The following CTR9 variants were observed in gnomAD, a reference collection of about 807,000 sequenced individuals.
CTR9 encodes CTR9 component of Paf1/RNA polymerase II complex, also known as RNA polymerase-associated protein CTR9 homolog.
A neutral mutation model predicts 152.1 loss-of-function variants in CTR9; 41 were observed. That is an observed-to-expected ratio of 0.27 (90% confidence interval 0.21 to 0.35). CTR9 has a LOEUF of 0.35. CTR9 is among the 10% of genes least tolerant of loss of function. The probability of loss-of-function intolerance (pLI) is 1.00; values close to 1 mark genes in which losing one functional copy is unlikely to be tolerated. For synonymous variants in CTR9, 476 were observed against 496.2 expected, an observed-to-expected ratio of 0.96 and a Z score of 0.54; for missense variants, 917 against 1,424.4, an observed-to-expected ratio of 0.64 and a Z score of 5.73.
intron 18 of CTR9, among the ~76,000 whole-genome samples, chr11:10,771,119 C>T (rs1863136774): frequency 6.6e-6 from 1 of 152,106 alleles, no homozygotes; most frequent in South Asian, 2.1e-4. Context: ...TTTATTTAGC[C>T]ATATAGTATT....
At chr11:10,764,813 G>T in intron 12 of CTR9, 82 bp downstream of exon 12, 2 of 1,269,870 alleles carry the variant, frequency 1.6e-6, no homozygotes, top group South Asian at 3.3e-5. Flanking sequence ...AAAAAATTTA[G>T]AATTGATAGT....
chr11:10,775,478 A>G (rs886923077), intron 23 of CTR9, 43 bp from the exon 24 acceptor site: 11 of 1,525,664 alleles, frequency 7.2e-6, no homozygotes, highest in Non-Finnish European at 9.9e-6. Flanking sequence ...AGATGGCCTA[A>G]TGTAAGAGTC....
rs764579336 is a variant in CTR9, at chr11:10,764,676, T to C, written c.1542T>C (p.His514=). 1.9e-6 allele frequency: 3 copies of C among 1,612,586 alleles called. No homozygotes were observed. The highest frequency in any genetic ancestry group is 3.3e-5 in the Admixed American group (2 of 59,976). Residue 514 remains histidine (H), a synonymous_variant, in exon 12 of 25, where the codon CAT becomes CAC. Coordinates refer to ENST00000361367, the MANE Select transcript of CTR9 (RefSeq NM_014633.5). ...ARLYEAMCEF[H]EAEKLYKNIL... ...TATATGAGGCGATGTGTGAATTCCA[T>C]GAAGCAGAAAAACTGTATAAAAACA...
In CTR9 at chr11:10,772,379, AC is replaced by A. The variant is rs577833305; in HGVS notation, c.2445-140del. The A allele has an allele frequency of 8.9e-4, 631 of 706,450 alleles. 4 individuals are homozygous for A. In the African/African-American group the frequency reaches 0.011, roughly 12 times the overall value. 43.8% of individuals were successfully genotyped at this position (706,450 alleles called of 1,614,324 possible). Reference sequence around the variant, plus strand: ...CTTAAACAAAAAAGGAAGAAAAAAAACATTTTTTTAAAAAAAGACTTCACAT... The same window carrying A: ...CTTAAACAAAAAAGGAAGAAAAAAAAATTTTTTTAAAAAAAGACTTCACAT... On this transcript the variant is annotated intron_variant, in intron 19 of 24. Coordinates refer to ENST00000361367, the MANE Select transcript of CTR9 (RefSeq NM_014633.5).
Position 10,771,649 on chromosome 11 carries a change from G to A in CTR9, c.2444+33G>A. 3 of 1,498,846 alleles carry A rather than the reference G, an allele frequency of 2.0e-6. No homozygotes were observed. The South Asian group carries it at 3.4e-5, about 17-fold the overall frequency. 92.8% of individuals were successfully genotyped at this position (1,498,846 alleles called of 1,614,324 possible). A position where few individuals can be genotyped will look rare whatever the true frequency, so the allele number is the denominator to read the frequency against. On this transcript the variant is annotated intron_variant, in intron 19 of 24. Transcript: ENST00000361367. Reference sequence around the variant, plus strand: ...TACTATTTATGGAAGGTGACTTTGGGTGAGGCAGTGATATTTACATGGGCT... The same window carrying A: ...TACTATTTATGGAAGGTGACTTTGGATGAGGCAGTGATATTTACATGGGCT...
At position 10,752,582 on chromosome 11, in the gene CTR9, T is replaced by C. The variant is rs1862822450; in HGVS notation, c.46-90T>C. 4.7e-6 allele frequency: 4 copies of C among 858,012 alleles called. No homozygotes were observed. In the Admixed American group the frequency reaches 5.3e-5, roughly 11 times the overall value. The allele number at this position is 858,012 out of a possible 1,614,324, so 53.1% of individuals were successfully genotyped here. On this transcript the variant is annotated intron_variant, in intron 1 of 24. Coordinates refer to ENST00000361367, the MANE Select transcript of CTR9 (RefSeq NM_014633.5). ...AAAGTGAACACGTACTCTATGTATA[T>C]GCATGTTGATTATATTCACGAAAAG...
intron 5 of CTR9, among the ~76,000 whole-genome samples, chr11:10,757,845 A>T (rs898949396): frequency 6.6e-6 from 1 of 152,174 alleles, no homozygotes; most frequent in Non-Finnish European, 1.5e-5. Context: ...AATAAAGCAG[A>T]AAAAGGGTAT....
chr11:10,755,666 A>G lies in CTR9; in HGVS notation c.385-12A>G. On this transcript the variant is annotated splice_polypyrimidine_tract_variant and intron_variant, in intron 3 of 24. Coordinates refer to ENST00000361367, the MANE Select transcript of CTR9 (RefSeq NM_014633.5). ...ATAGGGGTAAAATCTAAGATAATACATTACTTCATAGAACCATTTGTTGGG... is the reference window on the plus strand; with the variant it reads ...ATAGGGGTAAAATCTAAGATAATACGTTACTTCATAGAACCATTTGTTGGG... 13 of 1,554,468 alleles carry G rather than the reference A, an allele frequency of 8.4e-6. No individual in the cohort carries two copies. Among genetic ancestry groups the G allele is most frequent in the Non-Finnish European group, 1.2e-5 (13 of 1,126,856 alleles).
intron 2 of CTR9, among the ~76,000 whole-genome samples, chr11:10,754,395 C>G (rs1862852531): frequency 6.6e-6 from 1 of 152,206 alleles, no homozygotes; most frequent in Admixed American, 6.5e-5. Flanking sequence ...GTGAATGATT[C>G]CAGTTTTTTA....
chr11:10,751,930 A>G (rs11042951), intron 1 of CTR9, among the ~76,000 whole-genome samples: 2,501 of 151,998 alleles, frequency 0.016, 43 homozygotes, highest in Non-Finnish European at 0.024. Flanking sequence ...TGTTCTCTAC[A>G]CCAACTCTCC....
At chr11:10,760,473 T>C in intron 6 of CTR9, 152 bp downstream of exon 6, 2 of 667,040 alleles carry the variant, frequency 3.0e-6, no homozygotes, top group Non-Finnish European at 4.8e-6. Flanking sequence ...ACCTAGTTAT[T>C]GGGGCACTAC....
At position 10,764,586 on chromosome 11, in the gene CTR9, A is replaced by G. The variant is rs1276708312; in HGVS notation, c.1452A>G (p.Glu484=). The G allele has an allele frequency of 2.5e-6, 4 of 1,612,312 alleles. No homozygotes were observed. In the South Asian group the frequency reaches 3.3e-5, roughly 13 times the overall value. The change falls in exon 12 of 25, where the codon GAA becomes GAG. Residue 484 remains glutamate (E), a synonymous_variant. Transcript: ENST00000361367. ...CGTCATTGGACCGTGCAAAAGCAGAAGCGGAACACGATGAGCATTACTATA... is the reference window on the plus strand; with the variant it reads ...CGTCATTGGACCGTGCAAAAGCAGAGGCGGAACACGATGAGCATTACTATA... ...FLASLDRAKA[E]AEHDEHYYNA...
intron 7 of CTR9, 79 bp from the exon 8 acceptor site, chr11:10,763,352 G>A (rs1590021088): frequency 4.3e-6 from 4 of 921,644 alleles, no homozygotes; most frequent in Non-Finnish European, 5.3e-6. Context: ...ACAGGTAAAC[G>A]AAGTGTTAGT....
At chr11:10,757,008 C>T (rs1342298313) in intron 5 of CTR9, among the ~76,000 whole-genome samples, 170 bp downstream of exon 5, 1 of 152,114 alleles carries the variant, frequency 6.6e-6, no homozygotes, top group Non-Finnish European at 1.5e-5. Flanking sequence ...GATAGTAAGG[C>T]CAGGTGCAAT....
intron 13 of CTR9, among the ~76,000 whole-genome samples, chr11:10,766,890 A>C (rs1291297263): frequency 6.6e-6 from 1 of 152,188 alleles, no homozygotes; most frequent in African/African-American, 2.4e-5. Flanking sequence ...TGGTCATCTA[A>C]ACGTTTTGAG....
Position 10,775,240 on chromosome 11 carries a change from T to A in CTR9, c.2919T>A (p.Asp973Glu). 1 of 1,614,020 alleles carries A rather than the reference T, an allele frequency of 6.2e-7. No individual in the cohort carries two copies. Among genetic ancestry groups the A allele is most frequent in the Non-Finnish European group, 8.5e-7 (1 of 1,179,978 alleles). Residue 973 changes from aspartate to glutamate, a missense_variant, in exon 23 of 25, where the codon GAT (aspartate) becomes GAA (glutamate). Physicochemically the swap from Asp to Glu is conservative, Grantham distance 45. Around this residue, in one of 9 missense-constraint regions of CTR9, gnomAD observed 384 missense variants for 398.4 expected, o/e 0.96. Coordinates refer to ENST00000361367, the MANE Select transcript of CTR9 (RefSeq NM_014633.5). ...HPKGEEGSDD[D>E]ETENGPKPKK... Reference sequence around the variant, plus strand: ...AGGGAGAAGAAGGATCTGATGATGATGAAACAGAAAATGGCCCCAAACCAA... The same window carrying A: ...AGGGAGAAGAAGGATCTGATGATGAAGAAACAGAAAATGGCCCCAAACCAA...
chr11:10,771,471 A>G (rs1863142028), intron 18 of CTR9, 74 bp from the exon 19 acceptor site: 1 of 1,117,938 alleles, frequency 8.9e-7, no homozygotes, highest in Non-Finnish European at 1.4e-6. Flanking sequence ...TGTAGCACAG[A>G]TTAAATTTTT....
chr11:10,770,131 T>G, intron 16 of CTR9, 79 bp from the exon 17 acceptor site: 2 of 985,150 alleles, frequency 2.0e-6, no homozygotes, highest in South Asian at 1.6e-5. Context: ...GCTTTAAAAT[T>G]GCAATGCCAT....
intron 24 of CTR9, among the ~76,000 whole-genome samples, chr11:10,777,037 A>G (rs921253000): frequency 1.3e-5 from 2 of 149,884 alleles, no homozygotes; most frequent in African/African-American, 2.4e-5. Context: ...GTAAATTTGC[A>G]TTATTGTTCT....
Sources: gnomAD v4.1 joint callset for allele counts (sites outside exome capture counted in the v4.1 genomes callset) on GRCh38, gnomAD v4.1.1 for gene constraint, gnomAD v4.1.1 regional missense constraint, MANE v1.5 for transcripts, NCBI Gene and HGNC (gene_info 2026-07-23, HGNC 2026-07-21) for gene names.